Variants in LRRC17 observed in about 807,000 individuals in gnomAD.
LRRC17 encodes the protein leucine rich repeat containing 17, also known as leucine-rich repeat-containing protein 17.
A neutral mutation model predicts 41.5 loss-of-function variants in LRRC17; 33 were observed. The ratio of observed to expected loss-of-function variants is 0.80; its 90% CI spans 0.60 to 1.06. LRRC17 has a LOEUF of 1.06. Ranked by LOEUF, LRRC17 falls within the 50% of genes least tolerant of loss-of-function variation. The pLI, the probability that LRRC17 is intolerant of heterozygous loss-of-function variation, is 0.00. For missense variants in LRRC17, 491 were observed against 519.3 expected, an observed-to-expected ratio of 0.95 and a Z score of 0.53; for synonymous variants, 192 against 197.0, an observed-to-expected ratio of 0.97 and a Z score of 0.21.
At chr7:102,918,168 A>G (rs1407530873) in intron 1 of LRRC17, among the ~76,000 whole-genome samples, 13 of 152,226 alleles carry the variant, frequency 8.5e-5, no homozygotes, top group Admixed American at 8.5e-4. Flanking sequence ...AGCATATTTG[A>G]AACAATGGAA....
chr7:102,919,164 A>G (rs1009301029), intron 1 of LRRC17, among the ~76,000 whole-genome samples: 11 of 152,234 alleles, frequency 7.2e-5, no homozygotes, highest in Non-Finnish European at 1.5e-4. Context: ...GGAATTATTT[A>G]CACCACAGAA....
intron 1 of LRRC17, among the ~76,000 whole-genome samples, chr7:102,932,487 A>C (rs1819372036): frequency 1.3e-4 from 1 of 7,588 alleles, no homozygotes; most frequent in Non-Finnish European, 3.9e-4. Flanking sequence ...ACACCAGTAC[A>C]CTTCCCCCCA....
At chr7:102,927,464 C>A (rs1321126285) in intron 1 of LRRC17, among the ~76,000 whole-genome samples, 1 of 152,188 alleles carries the variant, frequency 6.6e-6, no homozygotes, top group Non-Finnish European at 1.5e-5. Context: ...TCAACAGGAT[C>A]ATTGAGGTTT....
chr7:102,941,838 AC>A (rs1821514842), intron 3 of LRRC17, among the ~76,000 whole-genome samples: 1 of 152,232 alleles, frequency 6.6e-6, no homozygotes, highest in South Asian at 2.1e-4. Context: ...TTTAGTTACA[AC>A]AAAACTAGTA....
chr7:102,934,725 T>C (rs1819958226), intron 2 of LRRC17, 40 bp downstream of exon 2: 1 of 1,494,858 alleles, frequency 6.7e-7, no homozygotes, highest in South Asian at 1.3e-5. Context: ...ATGAATAACT[T>C]GAAATGCTCT....
intron 3 of LRRC17, 62 bp downstream of exon 3, chr7:102,939,647 C>T (rs1295508592): frequency 7.0e-7 from 1 of 1,432,144 alleles, no homozygotes; most frequent in Non-Finnish European, 9.6e-7. Flanking sequence ...TTTTCTATGG[C>T]AACACTTATA....
chr7:102,914,195 C>A (rs1006628431), intron 1 of LRRC17, among the ~76,000 whole-genome samples: 1 of 152,240 alleles, frequency 6.6e-6, no homozygotes, highest in Non-Finnish European at 1.5e-5. Context: ...GCCTCAGCCT[C>A]CCAAGTGGCT....
chr7:102,938,289 C>A (rs114867119), intron 2 of LRRC17, among the ~76,000 whole-genome samples: 1 of 152,100 alleles, frequency 6.6e-6, no homozygotes, highest in African/African-American at 2.4e-5. Context: ...AGGTAAATTA[C>A]CCTTAGCTGC....
Position 102,939,589 on chromosome 7 carries a change from A to G in LRRC17, c.928+4A>G. 1 of 1,612,584 alleles carries G rather than the reference A, an allele frequency of 6.2e-7. No homozygotes were observed. Among genetic ancestry groups the G allele is most frequent in the South Asian group, 1.1e-5 (1 of 90,824 alleles). Reference sequence around the variant, plus strand: ...GGCATTGAATTCATCGATCCTGGTAAGTTCCCCTGTATAGCCCCTTCAATG... The same window carrying G: ...GGCATTGAATTCATCGATCCTGGTAGGTTCCCCTGTATAGCCCCTTCAATG... On this transcript the variant is annotated splice_donor_region_variant and intron_variant, in intron 3 of 3. Transcript: ENST00000339431.
At chr7:102,940,932 T>C (rs1821306548) in intron 3 of LRRC17, among the ~76,000 whole-genome samples, 1 of 152,232 alleles carries the variant, frequency 6.6e-6, no homozygotes, top group Admixed American at 6.5e-5. Flanking sequence ...ACATTTTGAG[T>C]ACAACTGTTT....
intron 1 of LRRC17, among the ~76,000 whole-genome samples, chr7:102,930,319 C>T (rs1047432069): frequency 6.6e-6 from 1 of 152,046 alleles, no homozygotes; most frequent in Non-Finnish European, 1.5e-5. Flanking sequence ...CCTCCTATCT[C>T]GTTAGGGACT....
Position 102,934,652 on chromosome 7 carries a change from T to C in LRRC17, c.739T>C (p.Phe247Leu). ...VDSTFCHNYV[F>L]PIQTLDCKRK... ...CTCAACTTTTTGCCACAATTATGTG[T>C]TTCCCATACAAACACTGGACTGCAA... Residue 247 changes from phenylalanine to leucine, a missense_variant, in exon 2 of 4, where the codon TTT becomes CTT. Phe to Leu is a conservative substitution (Grantham distance 22). Transcript: ENST00000339431. 1.2e-6 allele frequency: 2 copies of C among 1,602,928 alleles called. No individual in the cohort carries two copies. Among genetic ancestry groups the C allele is most frequent in the Non-Finnish European group, 1.7e-6 (2 of 1,177,094 alleles).
At chr7:102,921,139 G>A (rs1326262109) in intron 1 of LRRC17, among the ~76,000 whole-genome samples, 4 of 151,296 alleles carry the variant, frequency 2.6e-5, no homozygotes, top group African/African-American at 4.9e-5. Flanking sequence ...GCAACAGGGC[G>A]AGACTCCGTC....
chr7:102,942,390 A>G (rs1419792243), intron 3 of LRRC17: 3 of 1,449,710 alleles, frequency 2.1e-6, no homozygotes, highest in Non-Finnish European at 9.4e-7. Flanking sequence ...AAAGACGTGA[A>G]TAACAATCAT....
rs1053433869 is a variant in LRRC17, at chr7:102,944,666, A to G, written c.*59A>G. 1 of 1,427,624 alleles carries G rather than the reference A, an allele frequency of 7.0e-7. No homozygotes were observed. The highest frequency in any genetic ancestry group is 1.4e-5 in the African/African-American group (1 of 70,034). 88.4% of individuals were successfully genotyped at this position (1,427,624 alleles called of 1,614,324 possible). Reference sequence around the variant, plus strand: ...ATTTTCTATACTGGTGTTAGAAAACATATGTTTACATTTGATTAACTGTGT... The same window carrying G: ...ATTTTCTATACTGGTGTTAGAAAACGTATGTTTACATTTGATTAACTGTGT... On this transcript the variant is annotated 3_prime_UTR_variant, in exon 4 of 4. Transcript: ENST00000339431.
intron 1 of LRRC17, among the ~76,000 whole-genome samples, chr7:102,918,354 T>C (rs1563089079): frequency 6.6e-6 from 1 of 152,232 alleles, no homozygotes; most frequent in African/African-American, 2.4e-5. Flanking sequence ...CCTACTTTTC[T>C]ATCTATTGCC....
intron 1 of LRRC17, among the ~76,000 whole-genome samples, chr7:102,921,327 C>T (rs1816971864): frequency 6.6e-6 from 1 of 152,138 alleles, no homozygotes; most frequent in African/African-American, 2.4e-5. Flanking sequence ...TAATATATCA[C>T]TATTATAATG....
In LRRC17 at chr7:102,931,837, G is replaced by A. The variant is rs776911195; in HGVS notation, c.-140-1937G>A. 34 of 1,579,168 alleles carry A rather than the reference G, an allele frequency of 2.2e-5. 1 individual carries two copies. Among genetic ancestry groups the A allele is most frequent in the Non-Finnish European group, 2.9e-5 (33 of 1,152,888 alleles). ...GCATATTGGCACCCCAATGTAGCAA[G>A]TCAATCTATATAAACAGCAGTAAAA... is the stretch of plus-strand genomic sequence containing the variant. On this transcript the variant is annotated intron_variant, in intron 1 of 3. Transcript: ENST00000339431.
At position 102,923,096 on chromosome 7, in the gene LRRC17, A is replaced by G. The variant is rs115899599; in HGVS notation, c.-141+9951A>G. 3.7e-3 allele frequency among the ~76,000 whole-genome samples: 569 copies of G among 152,336 alleles called. 5 individuals are homozygous for G. The highest frequency in any genetic ancestry group is 0.014 in the African/African-American group (562 of 41,580). Reference sequence around the variant, plus strand: ...ACAAGGTGATATATGTCAAAGAGGTATGTCCAAAATCTGCTTGTCAATGAT... The same window carrying G: ...ACAAGGTGATATATGTCAAAGAGGTGTGTCCAAAATCTGCTTGTCAATGAT... On this transcript the variant is annotated intron_variant, in intron 1 of 3. Transcript: ENST00000339431.
Sources: gnomAD v4.1 joint callset for allele counts (sites outside exome capture counted in the v4.1 genomes callset) on GRCh38, gnomAD v4.1.1 for gene constraint, MANE v1.5 for transcripts, NCBI Gene and HGNC (gene_info 2026-07-23, HGNC 2026-07-21) for gene names.